Variants in KCNU1 observed in about 807,000 individuals in gnomAD.
KCNU1 encodes potassium calcium-activated channel subfamily U member 1, also known as potassium channel subfamily U member 1.
Under a neutral mutation model 126.8 loss-of-function variants are expected in KCNU1, and 93 were observed. The ratio of observed to expected loss-of-function variants is 0.73; its 90% CI spans 0.62 to 0.87. KCNU1 has a LOEUF of 0.87. KCNU1 is among the 40% of genes least tolerant of loss of function. KCNU1 has a pLI of 0.00. For synonymous variants in KCNU1, 523 were observed against 494.2 expected (o/e 1.06, Z -0.77); for missense variants, 1,330 against 1,367.1 (o/e 0.97, Z 0.43).
intron 18 of KCNU1, among the ~76,000 whole-genome samples, chr8:36,850,808 A>C (rs1585458975): frequency 6.6e-6 from 1 of 152,192 alleles, no homozygotes. Context: ...AGAGGATCCA[A>C]CTTTACTCTT....
chr8:36,917,305 T>C (rs1808150757), intron 22 of KCNU1, among the ~76,000 whole-genome samples: 1 of 152,030 alleles, frequency 6.6e-6, no homozygotes, highest in African/African-American at 2.4e-5. Flanking sequence ...GGTGTGTTTT[T>C]CTTTTTCTTT....
chr8:36,881,410 G>A (rs555260147), intron 19 of KCNU1, among the ~76,000 whole-genome samples: 1 of 151,970 alleles, frequency 6.6e-6, no homozygotes, highest in African/African-American at 2.4e-5. Context: ...TTTTGGTAGG[G>A]ATAGGGTCTC....
At chr8:36,890,711 T>C (rs1244460403) in intron 19 of KCNU1, among the ~76,000 whole-genome samples, 4 of 151,888 alleles carry the variant, frequency 2.6e-5, no homozygotes, top group Non-Finnish European at 5.9e-5. Flanking sequence ...ATTGTTAGAG[T>C]TGATAAAGAA....
At chr8:36,814,843 CT>C (rs754661785) in intron 8 of KCNU1, among the ~76,000 whole-genome samples, 7 of 152,218 alleles carry the variant, frequency 4.6e-5, no homozygotes, top group Non-Finnish European at 8.8e-5. Flanking sequence ...GCCTTCTTTT[CT>C]TTTAGTGACT....
At chr8:36,848,510 G>A (rs1036391944) in intron 18 of KCNU1, among the ~76,000 whole-genome samples, 1 of 152,204 alleles carries the variant, frequency 6.6e-6, no homozygotes, top group Non-Finnish European at 1.5e-5. Flanking sequence ...TGGATATCCA[G>A]TTTCCCCAGC....
rs1585368106 is a variant in KCNU1 at position 36,785,462 on chromosome 8, T to C, written c.195+857T>C. On this transcript the variant is annotated intron_variant, in intron 1 of 26. Transcript: ENST00000399881. ...AATTTGCTTAAAACATTTCTTTTAG[T>C]GCTAAAACCTACATAAAATATAATT... Among the ~76,000 whole-genome samples the C allele has an allele frequency of 2.0e-5, 3 of 152,360 alleles. No homozygotes were observed. In the South Asian group the frequency reaches 6.2e-4, roughly 32 times the overall value.
intron 10 of KCNU1, among the ~76,000 whole-genome samples, chr8:36,831,535 T>G (rs1488214367): frequency 6.6e-6 from 1 of 151,744 alleles, no homozygotes; most frequent in African/African-American, 2.4e-5. Context: ...TTTCATGTGT[T>G]TTTTGGCTGC....
At chr8:36,929,898 G>C (rs1470116570) in intron 24 of KCNU1, among the ~76,000 whole-genome samples, 1 of 152,068 alleles carries the variant, frequency 6.6e-6, no homozygotes, top group Non-Finnish European at 1.5e-5. Flanking sequence ...GTAAACAATG[G>C]GTTGCAGATG....
intron 7 of KCNU1, among the ~76,000 whole-genome samples, chr8:36,813,383 A>T (rs1803792903): frequency 6.6e-6 from 1 of 152,042 alleles, no homozygotes; most frequent in African/African-American, 2.4e-5. Context: ...TTTGTGCTAA[A>T]TAGAAATGGA....
intron 2 of KCNU1, among the ~76,000 whole-genome samples, chr8:36,796,740 T>C (rs2130368855): frequency 6.6e-6 from 1 of 152,340 alleles, no homozygotes; most frequent in East Asian, 1.9e-4. Flanking sequence ...TGCCCAGCTC[T>C]CTTTCAATCT....
At chr8:36,812,378 C>CA (rs765551359) in intron 7 of KCNU1, among the ~76,000 whole-genome samples, 8,688 of 83,316 alleles carry the variant, frequency 0.1, 697 homozygotes, top group African/African-American at 0.23. Flanking sequence ...AGACTCCTCT[C>CA]AAAAAAAAAA....
chr8:36,924,640 T>C (rs971832018), intron 24 of KCNU1, among the ~76,000 whole-genome samples: 2 of 152,188 alleles, frequency 1.3e-5, no homozygotes, highest in Admixed American at 1.3e-4. Context: ...GTCAGGTTAC[T>C]TTTCTGAGAA....
chr8:36,815,265 G>A (rs1323207211), intron 8 of KCNU1, among the ~76,000 whole-genome samples: 1 of 152,056 alleles, frequency 6.6e-6, no homozygotes, highest in Non-Finnish European at 1.5e-5. Context: ...TGGAGGCAGA[G>A]GTTGCACCCC....
Position 36,831,683 on chromosome 8 carries a change from T to C in KCNU1, c.1107-1871T>C, listed in dbSNP as rs368551984. On this transcript the variant is annotated intron_variant, in intron 10 of 26. Coordinates refer to ENST00000399881, the MANE Select transcript of KCNU1 (RefSeq NM_001031836.3). ...AGCCCTTTGTCAGATGAGTAGGTTGTGAAAATTTTCTCCCATTTTGTAGGT... is the reference window on the plus strand; with the variant it reads ...AGCCCTTTGTCAGATGAGTAGGTTGCGAAAATTTTCTCCCATTTTGTAGGT... Among the ~76,000 whole-genome samples the C allele has an allele frequency of 4.0e-3, 598 of 148,206 alleles. 2 individuals carry two copies. Among genetic ancestry groups the C allele is most frequent in the African/African-American group, 0.013 (529 of 39,850 alleles).
At chr8:36,930,674 G>A (rs2117612974) in intron 24 of KCNU1, among the ~76,000 whole-genome samples, 1 of 152,238 alleles carries the variant, frequency 6.6e-6, no homozygotes, top group South Asian at 2.1e-4. Context: ...GGAATGCCTG[G>A]TGTCAGTATC....
chr8:36,913,438 A>T (rs1411374696), intron 22 of KCNU1, among the ~76,000 whole-genome samples: 1 of 152,162 alleles, frequency 6.6e-6, no homozygotes, highest in African/African-American at 2.4e-5. Flanking sequence ...ACTTGAAAAG[A>T]TGAAAGAAAA....
intron 22 of KCNU1, among the ~76,000 whole-genome samples, chr8:36,914,246 A>G (rs1808006937): frequency 6.6e-6 from 1 of 152,090 alleles, no homozygotes; most frequent in African/African-American, 2.4e-5. Context: ...TATCCCTTTC[A>G]CTAGGGGATA....
chr8:36,878,716 T>C lies in KCNU1; in HGVS notation c.2009+14195T>C, dbSNP rs147454196. On this transcript the variant is annotated intron_variant, in intron 19 of 26. Transcript: ENST00000399881. The stretch of plus-strand genomic sequence containing the variant: ...ATAAGCACAAGAACAATAGTCATAG[T>C]AAATAAATACTTTTAAGCATTATCA... Among the ~76,000 whole-genome samples the C allele has an allele frequency of 4.2e-4, 63 of 151,450 alleles. 1 individual carries two copies. The East Asian group carries it at 0.011, about 27-fold the overall frequency.
At chr8:36,928,280 C>A (rs748845427) in intron 24 of KCNU1, among the ~76,000 whole-genome samples, 1 of 152,054 alleles carries the variant, frequency 6.6e-6, no homozygotes, top group Non-Finnish European at 1.5e-5. Flanking sequence ...CTATTGATAC[C>A]AGGATAACCC....
Sources: allele counts gnomAD v4.1 joint callset (sites outside exome capture counted in the v4.1 genomes callset), GRCh38; gene constraint gnomAD v4.1.1; transcripts MANE v1.5; gene names NCBI Gene and HGNC (gene_info 2026-07-23, HGNC 2026-07-21).